Variants in SHISA9 observed in about 807,000 individuals in gnomAD.
The protein encoded by SHISA9 is shisa family member 9.
A neutral mutation model predicts 38.0 loss-of-function variants in SHISA9; 13 were observed. The ratio of observed to expected loss-of-function variants is 0.34; its 90% CI spans 0.22 to 0.54. The LOEUF is 0.54. Ranked by LOEUF, SHISA9 falls within the 20% of genes least tolerant of loss-of-function variation. The probability of loss-of-function intolerance (pLI) is 0.91; values close to 1 mark genes in which losing one functional copy is unlikely to be tolerated. For missense variants in SHISA9, 538 were observed against 575.8 expected (o/e 0.93, Z 0.67); for synonymous variants, 275 against 242.0 (o/e 1.14, Z -1.27).
chr16:13,053,752 T>C (rs1321229148), intron 2 of SHISA9, among the ~76,000 whole-genome samples: 1 of 152,192 alleles, frequency 6.6e-6, no homozygotes, highest in Non-Finnish European at 1.5e-5. Context: ...CCACCTCTCA[T>C]ATGGGACGTG....
intron 1 of SHISA9, among the ~76,000 whole-genome samples, chr16:12,908,123 C>CATGGCTA (rs2141709463): frequency 3.8e-5 from 1 of 26,238 alleles, no homozygotes; most frequent in South Asian, 5.3e-3. Flanking sequence ...GAGCTCAGGA[C>CATGGCTA]CTGTCACAAC....
At chr16:12,970,253 G>A (rs1409909818) in intron 2 of SHISA9, among the ~76,000 whole-genome samples, 4 of 143,422 alleles carry the variant, frequency 2.8e-5, no homozygotes, top group Admixed American at 7.2e-5. Flanking sequence ...GGTAAAGTAT[G>A]GGCTGGAAAA....
chr16:13,272,613 C>T, the SHISA9 span, among the ~76,000 whole-genome samples: 1 of 151,966 alleles, frequency 6.6e-6, no homozygotes, highest in Non-Finnish European at 1.5e-5. Flanking sequence ...AGGTGAAGGA[C>T]TAAAAAGATG....
downstream of SHISA9, among the ~76,000 whole-genome samples, chr16:13,241,054 A>T (rs933530097): frequency 2.0e-5 from 3 of 152,196 alleles, no homozygotes; most frequent in Admixed American, 6.5e-5. Flanking sequence ...ACTTTGGGAG[A>T]CAGTGTTGAA....
chr16:13,550,897 G>A, the SHISA9 span, among the ~76,000 whole-genome samples: 322 of 152,246 alleles, frequency 2.1e-3, 2 homozygotes, highest in African/African-American at 7.3e-3. Context: ...GCCAACGTGG[G>A]CGGATCAAAA....
the SHISA9 span, among the ~76,000 whole-genome samples, chr16:13,454,656 C>T: frequency 2.0e-5 from 3 of 152,184 alleles, no homozygotes; most frequent in Non-Finnish European, 2.9e-5. Context: ...CTGTGCTTCA[C>T]CTGGCCTCTA....
the SHISA9 span, among the ~76,000 whole-genome samples, chr16:13,360,462 AG>A: frequency 6.6e-6 from 1 of 152,146 alleles, no homozygotes; most frequent in African/African-American, 2.4e-5. Flanking sequence ...TTCTCATGAT[AG>A]TAAGTTCTCA....
At chr16:13,166,026 C>T (rs1009530878) in intron 2 of SHISA9, among the ~76,000 whole-genome samples, 1 of 152,190 alleles carries the variant, frequency 6.6e-6, no homozygotes, top group African/African-American at 2.4e-5. Flanking sequence ...AAGCCATCCT[C>T]ATAGTAATAG....
the SHISA9 span, among the ~76,000 whole-genome samples, chr16:13,291,079 C>G: frequency 1.2e-4 from 19 of 152,238 alleles, no homozygotes; most frequent in Admixed American, 2.0e-4. Context: ...ATAGGAACTG[C>G]AGTTGACTGG....
the SHISA9 span, among the ~76,000 whole-genome samples, chr16:13,419,294 G>A: frequency 6.6e-6 from 1 of 152,210 alleles, no homozygotes; most frequent in Non-Finnish European, 1.5e-5. Flanking sequence ...GACATTCTGA[G>A]AGATGGAAAG....
At chr16:12,960,135 C>A (rs1238147767) in intron 2 of SHISA9, among the ~76,000 whole-genome samples, 2 of 152,168 alleles carry the variant, frequency 1.3e-5, no homozygotes, top group Admixed American at 6.5e-5. Context: ...TATCATGCAG[C>A]CTTGAACCCT....
chr16:13,162,724 G>A (rs1046731981), intron 2 of SHISA9, among the ~76,000 whole-genome samples: 8 of 152,068 alleles, frequency 5.3e-5, no homozygotes, highest in African/African-American at 1.7e-4. Flanking sequence ...ATTGTCATAA[G>A]AGAAAGTGGG....
chr16:13,345,299 C>T, the SHISA9 span, among the ~76,000 whole-genome samples: 1 of 152,098 alleles, frequency 6.6e-6, no homozygotes, highest in South Asian at 2.1e-4. Context: ...TGCTTTTCCC[C>T]TCTGTGTTCA....
At chr16:13,339,165 CTTTT>C in the SHISA9 span, among the ~76,000 whole-genome samples, 2 of 132,856 alleles carry the variant, frequency 1.5e-5, no homozygotes, top group African/African-American at 5.6e-5. Flanking sequence ...CTTATTGTGA[CTTTT>C]TTTTTTTTTT....
intron 2 of SHISA9, among the ~76,000 whole-genome samples, chr16:13,034,280 G>T (rs1453125369): frequency 2.0e-5 from 3 of 152,276 alleles, no homozygotes; most frequent in South Asian, 2.1e-4. Context: ...TGGCATTGGT[G>T]GGGGTAGGGG....
chr16:12,957,703 C>G (rs1824451816), intron 2 of SHISA9, among the ~76,000 whole-genome samples: 1 of 152,100 alleles, frequency 6.6e-6, no homozygotes, highest in Admixed American at 6.6e-5. Flanking sequence ...TAACAAAATA[C>G]TATAAACTAA....
chr16:13,554,763 G>A, the SHISA9 span, among the ~76,000 whole-genome samples: 16 of 152,210 alleles, frequency 1.1e-4, no homozygotes, highest in African/African-American at 3.1e-4. Flanking sequence ...AAGAGCCACC[G>A]TGCCCAGTTC....
At chr16:13,144,112 A>G (rs1357352583) in intron 2 of SHISA9, among the ~76,000 whole-genome samples, 2 of 150,642 alleles carry the variant, frequency 1.3e-5, no homozygotes, top group African/African-American at 4.9e-5. Flanking sequence ...GAATTAGTGT[A>G]ATATCCTAGT....
intron 2 of SHISA9, among the ~76,000 whole-genome samples, chr16:13,011,985 C>A (rs2072682937): frequency 6.6e-6 from 1 of 152,070 alleles, no homozygotes; most frequent in Non-Finnish European, 1.5e-5. Flanking sequence ...GCCGCCACAC[C>A]CAGCTAATTT....
Sources: gnomAD v4.1 joint callset for allele counts (sites outside exome capture counted in the v4.1 genomes callset) on GRCh38, gnomAD v4.1.1 for gene constraint, MANE v1.5 for transcripts, NCBI Gene and HGNC (gene_info 2026-07-23, HGNC 2026-07-21) for gene names.